Variants in FCHSD2 observed in about 807,000 individuals in gnomAD.
The protein encoded by FCHSD2 is F-BAR and double SH3 domains protein 2.
A neutral mutation model predicts 108.1 loss-of-function variants in FCHSD2; 38 were observed. The observed-to-expected ratio is 0.35, with a 90% CI of 0.27 to 0.46. The LOEUF is 0.46. Among genes scored for constraint, FCHSD2 ranks in the 20% least tolerant of loss-of-function variants. The pLI is 1.00. For missense variants in FCHSD2, 751 were observed against 897.8 expected (o/e 0.84, Z 2.09); for synonymous variants, 279 against 314.7 (o/e 0.89, Z 1.20).
intron 3 of FCHSD2, among the ~76,000 whole-genome samples, chr11:73,080,421 CAGAT>C (rs1859657850): frequency 2.0e-5 from 3 of 151,124 alleles, no homozygotes; most frequent in African/African-American, 7.3e-5. Context: ...TATTTACACA[CAGAT>C]ACACAGCATA....
intron 2 of FCHSD2, among the ~76,000 whole-genome samples, chr11:73,108,543 A>C (rs1860401260): frequency 8.2e-6 from 1 of 122,138 alleles, no homozygotes; most frequent in Non-Finnish European, 1.8e-5. Context: ...TTGAGATTTT[A>C]GATTTAAGTT....
intron 13 of FCHSD2, 92 bp downstream of exon 13, chr11:72,867,773 T>C: frequency 1.9e-6 from 2 of 1,078,574 alleles, no homozygotes; most frequent in South Asian, 1.8e-5. Context: ...ATTATCTTTT[T>C]AAAAAATTTT....
chr11:72,956,903 TTG>T (rs1856722230), intron 8 of FCHSD2, among the ~76,000 whole-genome samples: 3 of 151,944 alleles, frequency 2.0e-5, no homozygotes, highest in Admixed American at 6.6e-5. Flanking sequence ...GTGAGACAGT[TTG>T]ACATCATGCA....
chr11:72,848,320 C>T lies in FCHSD2; in HGVS notation c.1443+1435G>A, dbSNP rs546281242. On this transcript the variant is annotated intron_variant, in intron 14 of 19. Transcript: ENST00000409418. ...CTGAATTTAACATTTCCTGAACACC[C>T]CACACTCTCATCACACTCTGTCTCT... Among the ~76,000 whole-genome samples the T allele has an allele frequency of 9.2e-5, 14 of 152,292 alleles. No individual in the cohort carries two copies. The South Asian group carries it at 2.7e-3, about 29-fold the overall frequency.
At chr11:72,965,679 C>T (rs1856894392) in intron 8 of FCHSD2, among the ~76,000 whole-genome samples, 1 of 151,986 alleles carries the variant, frequency 6.6e-6, no homozygotes, top group Non-Finnish European at 1.5e-5. Context: ...AGAGCATTTC[C>T]AACACCTCAG....
intron 10 of FCHSD2, among the ~76,000 whole-genome samples, chr11:72,896,307 G>A (rs1280567988): frequency 6.6e-6 from 1 of 152,194 alleles, no homozygotes; most frequent in African/African-American, 2.4e-5. Flanking sequence ...GAAACCTGAG[G>A]AAGTTTCCGT....
intron 8 of FCHSD2, among the ~76,000 whole-genome samples, chr11:72,947,452 A>C (rs1856541441): frequency 6.6e-6 from 1 of 152,232 alleles, no homozygotes; most frequent in African/African-American, 2.4e-5. Context: ...ACTAGAACTA[A>C]AGCCAAAGTC....
chr11:73,035,256 G>C (rs533474976), intron 3 of FCHSD2, among the ~76,000 whole-genome samples: 54 of 152,196 alleles, frequency 3.5e-4, no homozygotes, highest in African/African-American at 1.3e-3. Context: ...GCAGTGGCGC[G>C]ATCTTGGCTC....
intron 3 of FCHSD2, among the ~76,000 whole-genome samples, chr11:73,041,376 T>C (rs1298680928): frequency 1.3e-5 from 2 of 152,198 alleles, no homozygotes; most frequent in Admixed American, 1.3e-4. Context: ...TTTATCTGCA[T>C]CCTTGCCAAC....
At chr11:73,039,182 A>C (rs1858571019) in intron 3 of FCHSD2, among the ~76,000 whole-genome samples, 1 of 152,160 alleles carries the variant, frequency 6.6e-6, no homozygotes, top group African/African-American at 2.4e-5. Context: ...ACTGGGAGTA[A>C]GCAATTCCTT....
chr11:73,032,356 G>A (rs560169547), intron 3 of FCHSD2, among the ~76,000 whole-genome samples: 7 of 152,052 alleles, frequency 4.6e-5, no homozygotes, highest in East Asian at 1.9e-4. Context: ...GGCTTCCCAA[G>A]AAACTAATAT....
At chr11:72,927,355 C>T (rs980329930) in intron 8 of FCHSD2, among the ~76,000 whole-genome samples, 8 of 152,120 alleles carry the variant, frequency 5.3e-5, no homozygotes, top group African/African-American at 1.9e-4. Flanking sequence ...ATGTACAATA[C>T]AAAGAATGAG....
At chr11:73,135,285 T>C (rs939647495) in intron 2 of FCHSD2, among the ~76,000 whole-genome samples, 1 of 152,190 alleles carries the variant, frequency 6.6e-6, no homozygotes, top group African/African-American at 2.4e-5. Flanking sequence ...TCAGGACAAA[T>C]AGCTTAGAGT....
chr11:72,879,837 T>C (rs1325402087), intron 12 of FCHSD2, among the ~76,000 whole-genome samples: 1 of 151,348 alleles, frequency 6.6e-6, no homozygotes, highest in Non-Finnish European at 1.5e-5. Flanking sequence ...AGAAAACATA[T>C]ATCAAGGCAT....
At chr11:72,855,747 C>CACTT (rs1861412623) in intron 13 of FCHSD2, among the ~76,000 whole-genome samples, 1 of 152,080 alleles carries the variant, frequency 6.6e-6, no homozygotes, top group South Asian at 2.1e-4. Context: ...GATCCACAGG[C>CACTT]ACTTACCTAG....
chr11:73,013,478 C>G (rs142144574), intron 4 of FCHSD2, among the ~76,000 whole-genome samples: 1 of 152,282 alleles, frequency 6.6e-6, no homozygotes, highest in African/African-American at 2.4e-5. Context: ...CTCTCTAATC[C>G]TAAGGTCTAC....
At chr11:73,019,770 T>A (rs192844531) in intron 3 of FCHSD2, among the ~76,000 whole-genome samples, 2 of 152,312 alleles carry the variant, frequency 1.3e-5, no homozygotes, top group South Asian at 2.1e-4. Flanking sequence ...TCTGAAAGCA[T>A]TCTATGCTTA....
intron 6 of FCHSD2, among the ~76,000 whole-genome samples, chr11:72,985,659 G>C (rs1479942376): frequency 2.1e-5 from 3 of 145,390 alleles, no homozygotes; most frequent in African/African-American, 5.2e-5. Flanking sequence ...CTGCTCTAAG[G>C]GGGTATTCTG....
chr11:72,838,919 C>T (rs775461391), intron 19 of FCHSD2, 45 bp from the exon 20 acceptor site: 3 of 1,519,290 alleles, frequency 2.0e-6, no homozygotes, highest in Non-Finnish European at 1.8e-6. Flanking sequence ...GTTCCTGACT[C>T]AGTATCTGAA....
Sources: allele counts gnomAD v4.1 joint callset (sites outside exome capture counted in the v4.1 genomes callset), GRCh38; gene constraint gnomAD v4.1.1; transcripts MANE v1.5; gene names NCBI Gene and HGNC (gene_info 2026-07-23, HGNC 2026-07-21).